The following HOXC4 variants were observed in gnomAD, a reference collection of about 807,000 sequenced individuals.
HOXC4 encodes homeobox C4, also known as homeobox protein Hox-C4.
In HOXC4, 15 loss-of-function variants were observed where a neutral mutation model predicts 25.5. The observed-to-expected ratio is 0.59, with a 90% CI of 0.39 to 0.91. HOXC4 has a LOEUF of 0.91. HOXC4 is among the 40% of genes least tolerant of loss of function. The pLI is 0.00. For missense variants in HOXC4, 342 were observed against 352.4 expected, an observed-to-expected ratio of 0.97 and a Z score of 0.24; for synonymous variants, 165 against 148.0, an observed-to-expected ratio of 1.11 and a Z score of -0.83.
rs749261491 is a variant in HOXC4, at chr12:54,029,985, T to C, written c.-124+12571T>C. ...TGACCAGGACTGTCCCTGCCACCCC[T>C]CTCTCCCTTTCTCCCTCGCTCCCCA... On this transcript the variant is annotated intron_variant, in intron 1 of 3. Coordinates refer to the HOXC4 transcript ENST00000303406. 19 of 1,494,406 alleles carry C rather than the reference T, an allele frequency of 1.3e-5. No homozygotes were observed. The African/African-American group carries it at 2.7e-4, about 21-fold the overall frequency. The allele number at this position is 1,494,406 out of a possible 1,614,324, so 92.6% of individuals were successfully genotyped here.
intron 1 of HOXC4, chr12:54,028,449 TAGTTCCG>T (rs1940828972): frequency 8.0e-6 from 12 of 1,501,034 alleles, no homozygotes; most frequent in Non-Finnish European, 8.2e-6. Flanking sequence ...TATAACCATC[TAGTTCCG>T]AGTACAAACT....
rs1452966291 is a variant in HOXC4 at position 54,054,198 on chromosome 12, G to A, written c.276G>A (p.Glu92=). The change falls in exon 1 of 2, where the codon GAG becomes GAA. Residue 92 remains glutamate (E), a synonymous_variant. Transcript: ENST00000430889. ...CCCAGGCGGGCCACCACCACCCCGA[G>A]AAATCACAGTCGCTCTGCGAGCCGG... ...GPAQAGHHHP[E]KSQSLCEPAP... The A allele has an allele frequency of 6.2e-7, 1 of 1,613,176 alleles. No homozygotes were observed. Among genetic ancestry groups the A allele is most frequent in the Non-Finnish European group, 8.5e-7 (1 of 1,179,594 alleles).
intron 1 of HOXC4, chr12:54,048,024 A>G (rs1195182089): frequency 6.6e-6 from 1 of 152,088 alleles, no homozygotes; most frequent in Non-Finnish European, 1.5e-5. Flanking sequence ...CTCGGCCTTG[A>G]TTCCTCCAAC....
chr12:54,023,695 G>T (rs775752056), intron 1 of HOXC4, among the ~76,000 whole-genome samples: 58 of 152,128 alleles, frequency 3.8e-4, no homozygotes, highest in Non-Finnish European at 6.8e-4. Context: ...ACCCCCAAAT[G>T]ATATCCATTT....
At chr12:54,031,484 G>A (rs1475433877) in intron 1 of HOXC4, among the ~76,000 whole-genome samples, 2 of 152,206 alleles carry the variant, frequency 1.3e-5, no homozygotes, top group East Asian at 3.9e-4. Context: ...CAGCCGGGCT[G>A]GTTCCTTACT....
upstream of HOXC4, chr12:54,053,765 G>A (rs2136467582): frequency 6.7e-5 from 24 of 360,402 alleles, no homozygotes; most frequent in South Asian, 1.8e-4. Flanking sequence ...TTTGAATAAA[G>A]CGATTCGGTT....
chr12:54,052,255 A>C (rs906524361), upstream of HOXC4, among the ~76,000 whole-genome samples: 5 of 152,206 alleles, frequency 3.3e-5, no homozygotes, highest in Non-Finnish European at 7.3e-5. Context: ...AGTGCGGGCG[A>C]TTCCGCGAGA....
intron 1 of HOXC4, among the ~76,000 whole-genome samples, chr12:54,036,863 G>T (rs777036122): frequency 1.3e-5 from 2 of 152,186 alleles, no homozygotes; most frequent in Non-Finnish European, 2.9e-5. Flanking sequence ...AGCCTCCCAG[G>T]CTGCCCAGGC....
chr12:54,033,404 G>A (rs1941067752), intron 1 of HOXC4: 4 of 1,611,258 alleles, frequency 2.5e-6, no homozygotes, highest in Middle Eastern at 1.7e-4. Flanking sequence ...CGGCTCCTCT[G>A]AACCCCGGGA....
In HOXC4 at chr12:54,055,491, G is replaced by C. The variant is rs1296051080; in HGVS notation, c.*286G>C. The C allele has an allele frequency of 6.5e-6, 1 of 154,836 alleles. No individual in the cohort carries two copies. Among genetic ancestry groups the C allele is most frequent in the Admixed American group, 6.5e-5 (1 of 15,342 alleles). 9.6% of individuals were successfully genotyped at this position (154,836 alleles called of 1,614,324 possible). A position where few individuals can be genotyped will look rare whatever the true frequency, so the allele number is the denominator to read the frequency against. ...TTTTTTTAAAAGGCCATTTTGGGGG[G>C]TTATTTATTTTTTAAGAAAAAAAGC... On this transcript the variant is annotated 3_prime_UTR_variant, in exon 2 of 2. Coordinates refer to ENST00000430889, the MANE Select transcript of HOXC4 (RefSeq NM_153633.3).
chr12:54,054,425 T>A, intron 1 of HOXC4, 64 bp downstream of exon 1: 7 of 866,512 alleles, frequency 8.1e-6, no homozygotes, highest in African/African-American at 3.4e-5. Flanking sequence ...CCCACCCTCC[T>A]CGGCCCCCTC....
chr12:54,040,025 T>TTC (rs1178947340), intron 1 of HOXC4, among the ~76,000 whole-genome samples: 1 of 152,186 alleles, frequency 6.6e-6, no homozygotes, highest in East Asian at 1.9e-4. Context: ...TGATAATTGA[T>TTC]TCTCCTTCCC....
intron 1 of HOXC4, among the ~76,000 whole-genome samples, chr12:54,029,328 GC>G (rs1360678301): frequency 1.3e-5 from 2 of 152,108 alleles, no homozygotes; most frequent in Non-Finnish European, 2.9e-5. Context: ...GAGAAAGGGG[GC>G]CCTCATCCCC....
chr12:54,055,130 G>A lies in HOXC4; in HGVS notation c.720G>A (p.Pro240=), dbSNP rs1322515938. 6.2e-7 allele frequency: 1 copy of A among 1,613,232 alleles called. No individual in the cohort carries two copies. The highest frequency in any genetic ancestry group is 1.3e-5 in the African/African-American group (1 of 74,908). The part of the protein sequence containing the change: ...AAPSTLSAAT[P]GTSEDHSQSA... Reference sequence around the variant, plus strand: ...CCAGCACCCTTTCGGCAGCTACCCCGGGTACTTCTGAAGACCACTCCCAGA... The same window carrying A: ...CCAGCACCCTTTCGGCAGCTACCCCAGGTACTTCTGAAGACCACTCCCAGA... The change falls in exon 2 of 2, where the codon CCG becomes CCA. Residue 240 remains proline (P), a synonymous_variant. Transcript: ENST00000430889.
At chr12:54,026,671 A>G (rs1226172704) in intron 1 of HOXC4, among the ~76,000 whole-genome samples, 2 of 152,058 alleles carry the variant, frequency 1.3e-5, no homozygotes, top group Non-Finnish European at 1.5e-5. Flanking sequence ...AGACTCTTCA[A>G]CCCCCTAACG....
At chr12:54,051,978 T>G (rs1937856723), upstream of HOXC4, among the ~76,000 whole-genome samples, 1 of 152,226 alleles carries the variant, frequency 6.6e-6, no homozygotes, top group Non-Finnish European at 1.5e-5. Flanking sequence ...TTTTTTCCCT[T>G]TCCCCTCCTC....
At chr12:54,027,718 A>G (rs1940787181) in intron 1 of HOXC4, among the ~76,000 whole-genome samples, 1 of 152,194 alleles carries the variant, frequency 6.6e-6, no homozygotes, top group Admixed American at 6.5e-5. Context: ...AGGAGGCAGA[A>G]GGGAGCCAGG....
intron 1 of HOXC4, among the ~76,000 whole-genome samples, chr12:54,017,899 T>C (rs1003968309): frequency 6.6e-6 from 1 of 151,424 alleles, no homozygotes; most frequent in African/African-American, 2.4e-5. Context: ...CCCCTCCCTG[T>C]CTGGCAGCCC....
At chr12:54,040,024 A>G (rs1159974773) in intron 1 of HOXC4, among the ~76,000 whole-genome samples, 2 of 152,004 alleles carry the variant, frequency 1.3e-5, no homozygotes, top group East Asian at 3.9e-4. Context: ...GTGATAATTG[A>G]TTCTCCTTCC....
Sources: gnomAD v4.1 joint callset for allele counts (sites outside exome capture counted in the v4.1 genomes callset) on GRCh38, gnomAD v4.1.1 for gene constraint, MANE v1.5 for transcripts, NCBI Gene and HGNC (gene_info 2026-07-23, HGNC 2026-07-21) for gene names.